FBXW4: variants seen among roughly 807,000 people sequenced by gnomAD.
The protein encoded by FBXW4 is F-box and WD repeat domain containing 4, also known as F-box/WD repeat-containing protein 4.
In FBXW4, 40 loss-of-function variants were observed where a neutral mutation model predicts 61.8. The observed-to-expected ratio is 0.65, with a 90% CI of 0.50 to 0.84. FBXW4 has a LOEUF of 0.84. Ranked by LOEUF, FBXW4 falls within the 40% of genes least tolerant of loss-of-function variation. The probability of loss-of-function intolerance (pLI) is 0.00; values close to 1 mark genes in which losing one functional copy is unlikely to be tolerated. For missense variants in FBXW4, 672 were observed against 753.8 expected (o/e 0.89, Z 1.27); for synonymous variants, 311 against 313.8 (o/e 0.99, Z 0.10).
At chr10:101,622,470 G>A (rs755248935) in intron 6 of FBXW4, among the ~76,000 whole-genome samples, 21 of 152,200 alleles carry the variant, frequency 1.4e-4, no homozygotes, top group Non-Finnish European at 8.8e-5. Flanking sequence ...GCTCACGCCT[G>A]TAATCCCAGC....
rs1040721938 is a variant in FBXW4, at chr10:101,634,998, C to T, written c.1236-10188G>A. On this transcript the variant is annotated intron_variant, in intron 5 of 8. Coordinates refer to ENST00000331272, the MANE Select transcript of FBXW4 (RefSeq NM_022039.4). Reference sequence around the variant, plus strand: ...CCAACCCCCAGGCCACAGACCTGTACCAGTCCATGGCCTGTTAGCAACCAG... The same window carrying T: ...CCAACCCCCAGGCCACAGACCTGTATCAGTCCATGGCCTGTTAGCAACCAG... 2.8e-5 allele frequency among the ~76,000 whole-genome samples: 4 copies of T among 144,588 alleles called. No homozygotes were observed. In the South Asian group the frequency reaches 6.4e-4, roughly 23 times the overall value. 94.9% of individuals were successfully genotyped at this position (144,588 alleles called of 152,430 possible).
intron 5 of FBXW4, among the ~76,000 whole-genome samples, chr10:101,653,150 A>G (rs1429685628): frequency 2.0e-5 from 3 of 152,044 alleles, no homozygotes; most frequent in Non-Finnish European, 4.4e-5. Context: ...TCTCTCCCTG[A>G]TGTGCAGTCA....
intron 5 of FBXW4, among the ~76,000 whole-genome samples, chr10:101,655,709 T>A (rs1480329864): frequency 6.6e-6 from 1 of 152,270 alleles, no homozygotes. Context: ...ACACCCTGCA[T>A]GAGTCGAGTC....
At position 101,630,210 on chromosome 10, in the gene FBXW4, C is replaced by T. The variant is rs117124546; in HGVS notation, c.1236-5400G>A. Among the ~76,000 whole-genome samples, 397 of 152,298 alleles carry T rather than the reference C, an allele frequency of 2.6e-3. 3 individuals carry two copies. Among genetic ancestry groups the T allele is most frequent in the East Asian group, 0.023 (118 of 5,182 alleles). The stretch of plus-strand genomic sequence containing the variant: ...CACTGACACGAGATACAAAGGCAGC[C>T]GAGGAAGGCTTTTTATCTGAGCCTT... On this transcript the variant is annotated intron_variant, in intron 5 of 8. Coordinates refer to ENST00000331272, the MANE Select transcript of FBXW4 (RefSeq NM_022039.4).
chr10:101,669,356 G>A (rs1018890742), intron 4 of FBXW4, among the ~76,000 whole-genome samples: 1 of 152,152 alleles, frequency 6.6e-6, no homozygotes, highest in African/African-American at 2.4e-5. Flanking sequence ...TAAAAAGACA[G>A]CTTTGCCTTT....
At chr10:101,664,415 C>T (rs902405460) in intron 5 of FBXW4, among the ~76,000 whole-genome samples, 1 of 152,226 alleles carries the variant, frequency 6.6e-6, no homozygotes, top group Non-Finnish European at 1.5e-5. Context: ...GGCAGGTAAA[C>T]CAGGAGTACC....
chr10:101,649,333 G>C (rs549111844), intron 5 of FBXW4, among the ~76,000 whole-genome samples: 3 of 152,236 alleles, frequency 2.0e-5, no homozygotes, highest in Admixed American at 6.5e-5. Flanking sequence ...TCTACAATCC[G>C]GGAGCCCCAG....
intron 5 of FBXW4, among the ~76,000 whole-genome samples, chr10:101,658,161 T>G (rs1326389073): frequency 6.6e-6 from 1 of 152,068 alleles, no homozygotes; most frequent in East Asian, 1.9e-4. Context: ...AGAGAAGAAA[T>G]ATAGCTGGCA....
intron 1 of FBXW4, among the ~76,000 whole-genome samples, chr10:101,693,709 GA>G (rs540877261): frequency 5.1e-4 from 77 of 152,262 alleles, no homozygotes; most frequent in Middle Eastern, 6.8e-3. Flanking sequence ...AAGTGGTTCA[GA>G]AAAGTTTTTC....
At chr10:101,660,404 T>A in intron 5 of FBXW4, 1 of 341,102 alleles carries the variant, frequency 2.9e-6, no homozygotes, top group Non-Finnish European at 4.1e-6. Flanking sequence ...AACAAACCCT[T>A]AATTTAAATG....
rs1056486158 is a variant in FBXW4, at chr10:101,611,727, CA to C, written c.1484del (p.Leu495ArgfsTer38). 6.2e-7 allele frequency: 1 copy of C among 1,614,072 alleles called. No homozygotes were observed. Among genetic ancestry groups the C allele is most frequent in the Non-Finnish European group, 8.5e-7 (1 of 1,180,044 alleles). ...MEWEEPHDST[L>X]YCLQTDGNHL... Reference sequence around the variant, plus strand: ...GGTTGCCATCTGTCTGCAGGCAGTACAGGGTGCTGTCGTGGGGCTCCTCCCA... The same window carrying C: ...GGTTGCCATCTGTCTGCAGGCAGTACGGGTGCTGTCGTGGGGCTCCTCCCA... On this transcript the variant is annotated frameshift_variant, in exon 8 of 9. Coordinates refer to ENST00000331272, the MANE Select transcript of FBXW4 (RefSeq NM_022039.4). LOFTEE classifies it high-confidence loss of function. This position sits in a 1 kb window ranked among gnomAD's most constrained non-coding sequence, Gnocchi z 4.9.
In FBXW4 at chr10:101,613,129, G is replaced by C. The variant is rs944201145; in HGVS notation, c.1302-652C>G. Reference sequence around the variant, plus strand: ...GTGATCACAGCCCCCAGCCTGTGGGGCTCCAGCCTGCTCCCCCCACCCTCA... The same window carrying C: ...GTGATCACAGCCCCCAGCCTGTGGGCCTCCAGCCTGCTCCCCCCACCCTCA... On this transcript the variant is annotated intron_variant, in intron 6 of 8. Coordinates refer to ENST00000331272, the MANE Select transcript of FBXW4 (RefSeq NM_022039.4). 5 of 152,370 alleles carry C rather than the reference G, an allele frequency of 3.3e-5. No homozygotes were observed. In the East Asian group the frequency reaches 9.7e-4, roughly 29 times the overall value. 9.4% of individuals were successfully genotyped at this position (152,370 alleles called of 1,614,324 possible).
Position 101,635,007 on chromosome 10 carries a change from G to A in FBXW4, c.1236-10197C>T, listed in dbSNP as rs531649005. Among the ~76,000 whole-genome samples, 50 of 140,956 alleles carry A rather than the reference G, an allele frequency of 3.5e-4. 4 individuals carry two copies. Among genetic ancestry groups the A allele is most frequent in the Non-Finnish European group, 6.3e-4 (39 of 62,272 alleles). The allele number at this position is 140,956 out of a possible 152,430, so 92.5% of individuals were successfully genotyped here. Reference sequence around the variant, plus strand: ...AGGCCACAGACCTGTACCAGTCCATGGCCTGTTAGCAACCAGGACGCACAG... The same window carrying A: ...AGGCCACAGACCTGTACCAGTCCATAGCCTGTTAGCAACCAGGACGCACAG... On this transcript the variant is annotated intron_variant, in intron 5 of 8. Transcript: ENST00000331272.
Position 101,694,450 on chromosome 10 carries a change from C to T in FBXW4, c.656G>A (p.Cys219Tyr). The T allele has an allele frequency of 6.5e-7, 1 of 1,536,996 alleles. No individual in the cohort carries two copies. Among genetic ancestry groups the T allele is most frequent in the Admixed American group, 1.9e-5 (1 of 51,720 alleles). Residue 219 changes from cysteine to tyrosine, a missense_variant, in exon 1 of 9, where the codon TGC becomes TAC. Around this residue, in one of 5 missense-constraint regions of FBXW4, gnomAD observed 311 missense variants for 301.1 expected, o/e 1.03. Transcript: ENST00000331272. This position sits in a 1 kb window ranked among gnomAD's most constrained non-coding sequence, Gnocchi z 6.0. The stretch of plus-strand genomic sequence containing the variant: ...GGCTATCCGGCGCCAGAGCAGATCG[C>T]AGCTGGTGAAGCGCCGCAGCCAGCG... ...VCRWLRRFTSCDLLWRRIARA... is the reference protein window; with the variant it reads ...VCRWLRRFTSYDLLWRRIARA...
At chr10:101,635,427 C>T (rs1054270291) in intron 5 of FBXW4, among the ~76,000 whole-genome samples, 36 of 150,826 alleles carry the variant, frequency 2.4e-4, no homozygotes, top group African/African-American at 8.4e-4. Flanking sequence ...CCCCCTCCCA[C>T]CCCCGAGGCT....
rs941846750 is a variant in FBXW4 at position 101,631,293 on chromosome 10, G to A, written c.1236-6483C>T. The stretch of plus-strand genomic sequence containing the variant: ...GGAGGATATGCCTTGCCTTCAAGGG[G>A]TAAAGACCAAAGCATGTTAAATAAA... On this transcript the variant is annotated intron_variant, in intron 5 of 8. Transcript: ENST00000331272. Among the ~76,000 whole-genome samples, 6 of 152,276 alleles carry A rather than the reference G, an allele frequency of 3.9e-5. No individual in the cohort carries two copies. In the East Asian group the frequency reaches 9.6e-4, roughly 24 times the overall value.
At chr10:101,617,517 C>A (rs940215565) in intron 6 of FBXW4, among the ~76,000 whole-genome samples, 2 of 152,160 alleles carry the variant, frequency 1.3e-5, no homozygotes, top group African/African-American at 4.8e-5. Flanking sequence ...TTGCCTCAGC[C>A]CCATCAGGTG....
chr10:101,685,933 A>G (rs754171049), intron 1 of FBXW4, among the ~76,000 whole-genome samples: 16 of 152,226 alleles, frequency 1.1e-4, no homozygotes, highest in Non-Finnish European at 2.4e-4. Context: ...AAAATGTGTA[A>G]CATACCACAT....
chr10:101,650,599 G>C (rs538648686), intron 5 of FBXW4, among the ~76,000 whole-genome samples: 74 of 152,312 alleles, frequency 4.9e-4, no homozygotes, highest in African/African-American at 1.7e-3. Context: ...GTGTGTGCTC[G>C]AGCATCCCAA....
Sources: allele counts gnomAD v4.1 joint callset (sites outside exome capture counted in the v4.1 genomes callset), GRCh38; gene constraint gnomAD v4.1.1; regional missense constraint gnomAD v4.1.1; non-coding constraint Gnocchi (gnomAD v3.1); transcripts MANE v1.5; gene names NCBI Gene and HGNC (gene_info 2026-07-23, HGNC 2026-07-21).